The following PHACTR4 variants were observed in gnomAD, a reference collection of about 807,000 sequenced individuals.
PHACTR4 encodes the protein protein phosphatase 1, regulatory subunit 124.
In PHACTR4, 51 loss-of-function variants were observed where a neutral mutation model predicts 72.7. That is an observed-to-expected ratio of 0.70 (90% confidence interval 0.56 to 0.89). PHACTR4 has a LOEUF of 0.89. Among genes scored for constraint, PHACTR4 ranks in the 40% least tolerant of loss-of-function variants. The probability of loss-of-function intolerance (pLI) is 0.00; values close to 1 mark genes in which losing one functional copy is unlikely to be tolerated. For synonymous variants in PHACTR4, 255 were observed against 302.5 expected (o/e 0.84, Z 1.63); for missense variants, 731 against 861.8 (o/e 0.85, Z 1.90).
chr1:28,446,405 G>A (rs1426607676), intron 2 of PHACTR4, among the ~76,000 whole-genome samples: 2 of 152,194 alleles, frequency 1.3e-5, no homozygotes, highest in Non-Finnish European at 2.9e-5. Flanking sequence ...GGTGATTGGG[G>A]TGGATTTCTC....
chr1:28,453,835 T>A, intron 2 of PHACTR4: 1 of 890,336 alleles, frequency 1.1e-6, no homozygotes. Context: ...ACAAAAGGCT[T>A]TTGAAGCTGT....
intron 1 of PHACTR4, among the ~76,000 whole-genome samples, chr1:28,395,287 C>T (rs1653407203): frequency 1.3e-5 from 2 of 152,056 alleles, no homozygotes; most frequent in South Asian, 2.1e-4. Context: ...GAAATATATA[C>T]GGCTTCATTT....
At chr1:28,441,224 A>T (rs1014201943) in intron 2 of PHACTR4, among the ~76,000 whole-genome samples, 1 of 151,892 alleles carries the variant, frequency 6.6e-6, no homozygotes, top group Admixed American at 6.6e-5. Context: ...TTTTAATTTA[A>T]TTTTATTTTT....
chr1:28,458,099 T>C (rs541429045), intron 2 of PHACTR4, among the ~76,000 whole-genome samples: 1 of 107,640 alleles, frequency 9.3e-6, no homozygotes, highest in South Asian at 2.8e-4. Flanking sequence ...AATATTATGG[T>C]GTGTGTGTTT....
In PHACTR4 at chr1:28,466,768, GGTAA is replaced by G. The variant is rs777849049; in HGVS notation, c.823+7_823+10del. The G allele has an allele frequency of 3.2e-5, 52 of 1,607,372 alleles. No homozygotes were observed. The African/African-American group carries it at 5.7e-4, about 18-fold the overall frequency. On this transcript the variant is annotated splice_donor_variant and splice_donor_region_variant and intron_variant, in intron 6 of 13. Coordinates refer to ENST00000373839, the MANE Select transcript of PHACTR4 (RefSeq NM_001048183.3). LOFTEE classifies it high-confidence loss of function. ...TCACAGAAATAGCAACCCTGTCATT[GGTAA>G]GTAAGTCTTTAGGCTTCCAGTGTTT... is the stretch of plus-strand genomic sequence containing the variant.
intron 1 of PHACTR4, among the ~76,000 whole-genome samples, chr1:28,385,992 G>A (rs1365727369): frequency 1.3e-5 from 2 of 152,126 alleles, no homozygotes; most frequent in African/African-American, 4.8e-5. Context: ...TATGATTTCA[G>A]TTCTTTTGCA....
At position 28,491,024 on chromosome 1, in the gene PHACTR4, T is replaced by G. The variant is rs765644478; in HGVS notation, c.1878+12T>G. The G allele has an allele frequency of 3.1e-6, 5 of 1,609,612 alleles. No homozygotes were observed. In the African/African-American group the frequency reaches 5.4e-5, roughly 17 times the overall value. ...GGCTCACTAGAAAGGTACTACTGCC[T>G]GTGTGTTCAGTTAACTATATGTGTT... On this transcript the variant is annotated intron_variant, in intron 11 of 13. Transcript: ENST00000373839.
chr1:28,408,475 T>C (rs1654522681), intron 2 of PHACTR4, among the ~76,000 whole-genome samples: 1 of 151,992 alleles, frequency 6.6e-6, no homozygotes, highest in Non-Finnish European at 1.5e-5. Flanking sequence ...GGAGAAACAC[T>C]TGAGGCCTGG....
At chr1:28,425,477 G>A (rs1422119108) in intron 2 of PHACTR4, among the ~76,000 whole-genome samples, 1 of 152,200 alleles carries the variant, frequency 6.6e-6, no homozygotes, top group African/African-American at 2.4e-5. Flanking sequence ...TATTTATATA[G>A]TCATCCTAGT....
In PHACTR4 at chr1:28,473,803, C is replaced by G; in HGVS notation, c.1073C>G (p.Thr358Ser). The change falls in exon 7 of 14, where the codon ACC (threonine) becomes AGC (serine). Residue 358 changes from threonine (T) to serine (S), a missense_variant. By Grantham distance (58) the Thr-to-Ser change is moderately conservative. Transcript: ENST00000373839. ...PTHIPPEPPR[T>S]PPFPAKTFQV... ...CATATACCTCCAGAGCCTCCACGCA[C>G]CCCTCCATTCCCTGCTAAGACTTTT... The G allele has an allele frequency of 6.2e-7, 1 of 1,614,106 alleles. No individual in the cohort carries two copies. The highest frequency in any genetic ancestry group is 8.5e-7 in the Non-Finnish European group (1 of 1,180,032).
chr1:28,379,239 G>C (rs1651939676), intron 1 of PHACTR4, among the ~76,000 whole-genome samples: 1 of 151,304 alleles, frequency 6.6e-6, no homozygotes, highest in Non-Finnish European at 1.5e-5. Flanking sequence ...ACACGCATGA[G>C]CCACCATGGC....
chr1:28,398,851 C>G (rs756780477), intron 1 of PHACTR4, among the ~76,000 whole-genome samples: 7 of 151,606 alleles, frequency 4.6e-5, no homozygotes, highest in Non-Finnish European at 5.9e-5. Context: ...TAATTAAATA[C>G]TGATATTCAA....
chr1:28,403,007 G>A (rs1654050561), intron 1 of PHACTR4, among the ~76,000 whole-genome samples: 1 of 152,224 alleles, frequency 6.6e-6, no homozygotes, highest in African/African-American at 2.4e-5. Context: ...ATGTGGTATT[G>A]AAAATTGCGA....
intron 1 of PHACTR4, among the ~76,000 whole-genome samples, chr1:28,379,774 A>G (rs1207352019): frequency 1.3e-5 from 2 of 151,538 alleles, no homozygotes; most frequent in Admixed American, 6.6e-5. Flanking sequence ...TATTTTTAGT[A>G]GAGACGGGGT....
At chr1:28,455,002 G>C (rs1013509841) in intron 2 of PHACTR4, among the ~76,000 whole-genome samples, 3 of 151,614 alleles carry the variant, frequency 2.0e-5, no homozygotes, top group Admixed American at 6.6e-5. Flanking sequence ...TGGGATTATA[G>C]GTGCCTGCCA....
chr1:28,453,961 A>G (rs1205545334), intron 2 of PHACTR4: 1 of 574,296 alleles, frequency 1.7e-6, no homozygotes, highest in Non-Finnish European at 3.2e-6. Context: ...CACGCCCGTA[A>G]TCTTAGCACT....
At chr1:28,457,527 C>G (rs1022446138) in intron 2 of PHACTR4, among the ~76,000 whole-genome samples, 1 of 151,936 alleles carries the variant, frequency 6.6e-6, no homozygotes, top group Non-Finnish European at 1.5e-5. Context: ...CATTTGAGAT[C>G]GGGAATTTGA....
chr1:28,438,906 A>G (rs1364539927), intron 2 of PHACTR4, among the ~76,000 whole-genome samples: 1 of 152,194 alleles, frequency 6.6e-6, no homozygotes, highest in Non-Finnish European at 1.5e-5. Context: ...GGCATTTTCC[A>G]TTGCACTAGT....
At chr1:28,484,783 C>T (rs6426347) in intron 9 of PHACTR4, among the ~76,000 whole-genome samples, 9 of 151,436 alleles carry the variant, frequency 5.9e-5, no homozygotes, top group Non-Finnish European at 1.2e-4. Flanking sequence ...CTGGCTAACA[C>T]GGTGAAACCC....
Sources: gnomAD v4.1 joint callset for allele counts (sites outside exome capture counted in the v4.1 genomes callset) on GRCh38, gnomAD v4.1.1 for gene constraint, MANE v1.5 for transcripts, NCBI Gene and HGNC (gene_info 2026-07-23, HGNC 2026-07-21) for gene names.